The following ROR2 variants were observed in gnomAD, a reference collection of about 807,000 sequenced individuals.
ROR2 encodes ROR family WNT receptor 2, also known as tyrosine-protein kinase transmembrane receptor ROR2.
ROR2 carries 33 observed loss-of-function variants against 74.9 expected under a neutral mutation model. The observed-to-expected ratio is 0.44, with a 90% CI of 0.33 to 0.59. The LOEUF is 0.59. ROR2 is among the 20% of genes least tolerant of loss of function. The probability of loss-of-function intolerance (pLI) is 0.02; values close to 1 mark genes in which losing one functional copy is unlikely to be tolerated. For missense variants in ROR2, 1,216 were observed against 1,313.8 expected (o/e 0.93, Z 1.15); for synonymous variants, 586 against 558.7 (o/e 1.05, Z -0.69).
At chr9:91,783,731 A>G (rs1483665557) in intron 1 of ROR2, among the ~76,000 whole-genome samples, 1 of 152,154 alleles carries the variant, frequency 6.6e-6, no homozygotes, top group Non-Finnish European at 1.5e-5. Context: ...GCGAGCCTGG[A>G]GGGCACACCA....
At chr9:91,891,156 G>A (rs1325375112) in intron 1 of ROR2, among the ~76,000 whole-genome samples, 4 of 151,994 alleles carry the variant, frequency 2.6e-5, no homozygotes, top group Non-Finnish European at 5.9e-5. Flanking sequence ...TATGTATTAA[G>A]TTACGGTTCT....
intron 4 of ROR2, among the ~76,000 whole-genome samples, chr9:91,745,797 A>C (rs1825393295): frequency 6.6e-6 from 1 of 152,144 alleles, no homozygotes; most frequent in Non-Finnish European, 1.5e-5. Flanking sequence ...TTAGTCACCT[A>C]CTGCTTGTAT....
At chr9:91,879,611 C>T (rs1436619991) in intron 1 of ROR2, among the ~76,000 whole-genome samples, 1 of 152,140 alleles carries the variant, frequency 6.6e-6, no homozygotes, top group Non-Finnish European at 1.5e-5. Flanking sequence ...CACTCACGCA[C>T]TTATGCAGGT....
rs143237457 is a variant in ROR2 at position 91,827,825 on chromosome 9, A to G, written c.98-52007T>C. Among the ~76,000 whole-genome samples the G allele has an allele frequency of 2.5e-3, 374 of 152,354 alleles. 1 individual carries two copies. Among genetic ancestry groups the G allele is most frequent in the African/African-American group, 8.3e-3 (346 of 41,590 alleles). The stretch of plus-strand genomic sequence containing the variant: ...GATTCTCAGGACTTTTAAAATTGTT[A>G]TAACAACCATAGTAGTTTTCTTCTG... On this transcript the variant is annotated intron_variant, in intron 1 of 8. Coordinates refer to ENST00000375708, the MANE Select transcript of ROR2 (RefSeq NM_004560.4).
intron 1 of ROR2, among the ~76,000 whole-genome samples, chr9:91,897,551 A>T (rs1830565666): frequency 6.9e-6 from 1 of 144,128 alleles, no homozygotes; most frequent in Non-Finnish European, 1.5e-5. Flanking sequence ...ACCAAAGAAC[A>T]GGATTTGGAA....
intron 4 of ROR2, among the ~76,000 whole-genome samples, chr9:91,755,653 C>G (rs938673202): frequency 6.6e-6 from 1 of 152,256 alleles, no homozygotes; most frequent in African/African-American, 2.4e-5. Flanking sequence ...CTCCCACCCA[C>G]TGCCACGGGG....
chr9:91,891,569 C>T (rs1830421163), intron 1 of ROR2, among the ~76,000 whole-genome samples: 1 of 152,216 alleles, frequency 6.6e-6, no homozygotes, highest in Admixed American at 6.5e-5. Context: ...GCACCCGGCC[C>T]TAGCTGTGTT....
intron 1 of ROR2, among the ~76,000 whole-genome samples, chr9:91,943,608 A>T (rs1178291854): frequency 6.6e-6 from 1 of 152,180 alleles, no homozygotes; most frequent in Non-Finnish European, 1.5e-5. Flanking sequence ...CCACTATGAA[A>T]ATCAAACCTA....
At chr9:91,886,333 C>T (rs1293875027) in intron 1 of ROR2, among the ~76,000 whole-genome samples, 1 of 152,208 alleles carries the variant, frequency 6.6e-6, no homozygotes, top group Non-Finnish European at 1.5e-5. Context: ...TCCCCCTCCC[C>T]TCGCCATTTC....
chr9:91,817,428 G>T (rs978053783), intron 1 of ROR2, among the ~76,000 whole-genome samples: 2 of 152,196 alleles, frequency 1.3e-5, no homozygotes, highest in African/African-American at 4.8e-5. Flanking sequence ...AGACAGAGAT[G>T]GTCTCTACCT....
chr9:91,776,778 G>A (rs1826432413), intron 1 of ROR2, among the ~76,000 whole-genome samples: 1 of 152,168 alleles, frequency 6.6e-6, no homozygotes, highest in Admixed American at 6.6e-5. Context: ...CTGTTTAAAT[G>A]TAGAGAGACC....
chr9:91,776,689 G>A (rs572177549), intron 1 of ROR2, among the ~76,000 whole-genome samples: 3 of 152,322 alleles, frequency 2.0e-5, no homozygotes, highest in East Asian at 1.9e-4. Flanking sequence ...GCAGTCCATG[G>A]ACTTCTGCTG....
chr9:91,811,821 CG>C (rs1827759624), intron 1 of ROR2, among the ~76,000 whole-genome samples: 1 of 152,192 alleles, frequency 6.6e-6, no homozygotes, highest in African/African-American at 2.4e-5. Flanking sequence ...AAGCCATTTC[CG>C]TATCTGTGTG....
intron 1 of ROR2, among the ~76,000 whole-genome samples, chr9:91,939,462 T>C (rs531236539): frequency 1.3e-5 from 2 of 152,330 alleles, no homozygotes; most frequent in South Asian, 2.1e-4. Flanking sequence ...GCCACACTTT[T>C]CACAAGTTTG....
At chr9:91,896,355 AGTTT>A (rs1830539189) in intron 1 of ROR2, among the ~76,000 whole-genome samples, 2 of 152,198 alleles carry the variant, frequency 1.3e-5, no homozygotes, top group Non-Finnish European at 2.9e-5. Context: ...GTCCTCATCC[AGTTT>A]ATCTTCAGAA....
chr9:91,833,784 G>A (rs954900806), intron 1 of ROR2, among the ~76,000 whole-genome samples: 15 of 152,090 alleles, frequency 9.9e-5, no homozygotes, highest in African/African-American at 7.2e-5. Context: ...TCTGCCCCAC[G>A]CAGCCAAGAG....
intron 1 of ROR2, among the ~76,000 whole-genome samples, chr9:91,927,854 G>A (rs1283513929): frequency 1.3e-5 from 2 of 152,160 alleles, no homozygotes; most frequent in Middle Eastern, 3.4e-3. Context: ...GTGAGCCACC[G>A]CGCCCAGCCT....
At chr9:91,872,020 T>C (rs187833190) in intron 1 of ROR2, among the ~76,000 whole-genome samples, 8 of 152,344 alleles carry the variant, frequency 5.3e-5, no homozygotes, top group African/African-American at 1.9e-4. Flanking sequence ...CTGTGTGCTG[T>C]AACAACACAT....
At chr9:91,778,144 GCA>G (rs749485004) in intron 1 of ROR2, among the ~76,000 whole-genome samples, 11 of 152,254 alleles carry the variant, frequency 7.2e-5, no homozygotes, top group Non-Finnish European at 1.3e-4. Flanking sequence ...CACTCCTGCT[GCA>G]CACAAGCTGG....
Sources: gnomAD v4.1 joint callset for allele counts (sites outside exome capture counted in the v4.1 genomes callset) on GRCh38, gnomAD v4.1.1 for gene constraint, MANE v1.5 for transcripts, NCBI Gene and HGNC (gene_info 2026-07-23, HGNC 2026-07-21) for gene names.